The following SPAG16 variants were observed in gnomAD, a reference collection of about 807,000 sequenced individuals.
SPAG16 encodes sperm associated antigen 16.
A neutral mutation model predicts 80.4 loss-of-function variants in SPAG16; 86 were observed. That is an observed-to-expected ratio of 1.07 (90% CI 0.90 to 1.28). The LOEUF (loss-of-function observed/expected upper bound fraction) is 1.28, where lower values mean the gene tolerates loss of function less well. Ranked by LOEUF, SPAG16 falls within the 50% of genes most tolerant of loss-of-function variation. The pLI, the probability that SPAG16 is intolerant of heterozygous loss-of-function variation, is 0.00. For missense variants in SPAG16, 870 were observed against 765.3 expected (o/e 1.14, Z -1.61); for synonymous variants, 294 against 265.9 (o/e 1.11, Z -1.03).
At chr2:213,833,453 AT>A (rs1273312445) in intron 10 of SPAG16, among the ~76,000 whole-genome samples, 8 of 980 alleles carry the variant, frequency 8.2e-3, no homozygotes, top group Non-Finnish European at 0.077. Context: ...ATATATATAT[AT>A]TATATATATA....
At chr2:213,830,104 A>G (rs1454219038) in intron 10 of SPAG16, among the ~76,000 whole-genome samples, 2 of 152,162 alleles carry the variant, frequency 1.3e-5, no homozygotes, top group Non-Finnish European at 2.9e-5. Flanking sequence ...TTTGTGGCCT[A>G]GACTGCCTTT....
At chr2:213,628,685 C>A (rs926499969) in intron 10 of SPAG16, among the ~76,000 whole-genome samples, 10 of 152,134 alleles carry the variant, frequency 6.6e-5, no homozygotes, top group Admixed American at 5.9e-4. Context: ...CTTTAACTAG[C>A]CTTAATTATT....
chr2:213,545,736 G>A (rs1311672558), intron 10 of SPAG16, among the ~76,000 whole-genome samples: 1 of 151,898 alleles, frequency 6.6e-6, no homozygotes, highest in Non-Finnish European at 1.5e-5. Flanking sequence ...TTTATTGTTT[G>A]GTGATCATTG....
rs549208187 is a variant in SPAG16, at chr2:213,452,735, T to C, written c.943-37228T>C. ...TACTGAATCTTGCAACAAACCCCCT[T>C]GTCTCTTTTTTTCAGGTGCTGAAAT... On this transcript the variant is annotated intron_variant, in intron 9 of 15. Transcript: ENST00000331683. 3.4e-4 allele frequency among the ~76,000 whole-genome samples: 52 copies of C among 152,348 alleles called. 3 individuals carry two copies. The East Asian group carries it at 7.5e-3, about 22-fold the overall frequency.
chr2:214,375,401 C>T (rs1054220604), intron 15 of SPAG16, among the ~76,000 whole-genome samples: 42 of 152,148 alleles, frequency 2.8e-4, no homozygotes, highest in African/African-American at 9.9e-4. Flanking sequence ...TCTATTTTTT[C>T]GTTACCTTGG....
chr2:214,043,085 T>A (rs2049122949), intron 13 of SPAG16, among the ~76,000 whole-genome samples: 1 of 151,848 alleles, frequency 6.6e-6, no homozygotes, highest in African/African-American at 2.4e-5. Flanking sequence ...ACACCAAAGG[T>A]CACATATCAG....
chr2:214,065,124 G>A (rs889252508), intron 13 of SPAG16, among the ~76,000 whole-genome samples: 14 of 151,898 alleles, frequency 9.2e-5, no homozygotes, highest in Non-Finnish European at 2.1e-4. Context: ...GGTTTAAGAA[G>A]GCAGAATAAC....
intron 15 of SPAG16, among the ~76,000 whole-genome samples, chr2:214,335,892 G>A (rs1008964000): frequency 1.3e-5 from 2 of 151,046 alleles, no homozygotes; most frequent in African/African-American, 2.4e-5. Context: ...CCGAGTAGCT[G>A]GGCCTACAGG....
intron 15 of SPAG16, among the ~76,000 whole-genome samples, chr2:214,305,536 A>C (rs555652459): frequency 3.9e-5 from 6 of 152,140 alleles, no homozygotes; most frequent in Non-Finnish European, 8.8e-5. Context: ...ATGTATCTTG[A>C]ATTAATTTTT....
intron 15 of SPAG16, among the ~76,000 whole-genome samples, chr2:214,263,839 C>T (rs1691355543): frequency 6.6e-6 from 1 of 152,146 alleles, no homozygotes; most frequent in Non-Finnish European, 1.5e-5. Context: ...TTTGTGTATA[C>T]ATCTTCCAAA....
chr2:214,024,860 A>T (rs1046407847), intron 13 of SPAG16, among the ~76,000 whole-genome samples: 1 of 151,668 alleles, frequency 6.6e-6, no homozygotes, highest in Admixed American at 6.6e-5. Context: ...TAACTTAATC[A>T]TAGAATATAT....
At chr2:214,359,294 T>C (rs986331279) in intron 15 of SPAG16, among the ~76,000 whole-genome samples, 1 of 151,790 alleles carries the variant, frequency 6.6e-6, no homozygotes, top group African/African-American at 2.4e-5. Flanking sequence ...TGATGATAAA[T>C]TGGGGGGGTT....
chr2:214,237,119 C>A (rs10427272), intron 15 of SPAG16, among the ~76,000 whole-genome samples: 82,870 of 151,898 alleles, frequency 0.55, 23,687 homozygotes, highest in African/African-American at 0.73. Context: ...GGACAGCAAT[C>A]ACATAGCAAA....
At position 214,149,140 on chromosome 2, in the gene SPAG16, G is replaced by A. The variant is rs771991609; in HGVS notation, c.1594G>A (p.Gly532Ser). 2.0e-6 allele frequency: 3 copies of A among 1,517,356 alleles called. No individual in the cohort carries two copies. The African/African-American group carries it at 4.3e-5, about 22-fold the overall frequency. The allele number at this position is 1,517,356 out of a possible 1,614,324, so 94.0% of individuals were successfully genotyped here. A position where few individuals can be genotyped will look rare whatever the true frequency, so the allele number is the denominator to read the frequency against. The change falls in exon 15 of 16, where the codon GGT (glycine) becomes AGT (serine). Residue 532 changes from glycine (G) to serine (S), a missense_variant and splice_region_variant. Transcript: ENST00000331683. The stretch of plus-strand genomic sequence containing the variant: ...TTTTTGTTTATCTTATATTTTGAAG[G>A]GTCACATGATAGCATCCTGTGATGC... The part of the protein sequence containing the change: ...SINDAIFDPR[G>S]HMIASCDACG...
At chr2:213,973,645 T>G (rs1394586578) in intron 12 of SPAG16, among the ~76,000 whole-genome samples, 1 of 151,928 alleles carries the variant, frequency 6.6e-6, no homozygotes, top group Non-Finnish European at 1.5e-5. Context: ...CCTTTTTTTT[T>G]TTTTTGATTC....
intron 10 of SPAG16, among the ~76,000 whole-genome samples, chr2:213,763,989 G>T (rs1022769076): frequency 6.6e-6 from 1 of 152,210 alleles, no homozygotes; most frequent in Admixed American, 6.5e-5. Context: ...CAAATGTGAA[G>T]GGTGGGTGTG....
intron 9 of SPAG16, among the ~76,000 whole-genome samples, chr2:213,424,514 C>T (rs377136598): frequency 1.1e-4 from 16 of 152,152 alleles, no homozygotes; most frequent in African/African-American, 2.4e-4. Flanking sequence ...CTTTTTATGG[C>T]TAATTTACTG....
intron 12 of SPAG16, among the ~76,000 whole-genome samples, chr2:213,952,295 TAAAG>T (rs1282755555): frequency 6.6e-6 from 1 of 151,930 alleles, no homozygotes; most frequent in East Asian, 1.9e-4. Flanking sequence ...ATGTAATTAA[TAAAG>T]AAAATAGAGG....
chr2:214,405,310 A>G (rs1207794542), intron 15 of SPAG16, among the ~76,000 whole-genome samples: 1 of 152,072 alleles, frequency 6.6e-6, no homozygotes, highest in African/African-American at 2.4e-5. Context: ...AATTTTTTGT[A>G]GAGATGGAGT....
Sources: gnomAD v4.1 joint callset for allele counts (sites outside exome capture counted in the v4.1 genomes callset) on GRCh38, gnomAD v4.1.1 for gene constraint, MANE v1.5 for transcripts, NCBI Gene and HGNC (gene_info 2026-07-23, HGNC 2026-07-21) for gene names.